TTC7B: variants seen among roughly 807,000 people sequenced by gnomAD.
TTC7B encodes tetratricopeptide repeat protein 7B.
Under a neutral mutation model 106.8 loss-of-function variants are expected in TTC7B, and 28 were observed. The observed-to-expected ratio is 0.26, with a 90% CI of 0.19 to 0.36. The LOEUF (loss-of-function observed/expected upper bound fraction) is 0.36, where lower values mean the gene tolerates loss of function less well. Ranked by LOEUF, TTC7B falls within the 10% of genes least tolerant of loss-of-function variation. TTC7B has a pLI of 1.00. For missense variants in TTC7B, 862 were observed against 1,076.4 expected (o/e 0.80, Z 2.79); for synonymous variants, 405 against 430.6 (o/e 0.94, Z 0.74).
intron 2 of TTC7B, among the ~76,000 whole-genome samples, chr14:90,781,767 C>G (rs1891226798): frequency 6.6e-6 from 1 of 152,078 alleles, no homozygotes; most frequent in African/African-American, 2.4e-5. Flanking sequence ...GACCTGGTAC[C>G]CTCCCTAGAG....
intron 14 of TTC7B, among the ~76,000 whole-genome samples, chr14:90,644,467 T>C (rs2139882383): frequency 6.6e-6 from 1 of 152,312 alleles, no homozygotes; most frequent in South Asian, 2.1e-4. Context: ...ACCCTGTTTC[T>C]CTACGTAGCT....
At chr14:90,769,910 G>A (rs10138593) in intron 3 of TTC7B, among the ~76,000 whole-genome samples, 42,104 of 152,086 alleles carry the variant, frequency 0.28, 9,654 homozygotes, top group African/African-American at 0.64. Flanking sequence ...GCTATCCAGG[G>A]GGCTGAGGCA....
intron 15 of TTC7B, among the ~76,000 whole-genome samples, chr14:90,641,678 G>C (rs185475202): frequency 1.4e-3 from 211 of 152,296 alleles, no homozygotes; most frequent in Middle Eastern, 3.4e-3. Context: ...GCTTTTTTGA[G>C]CTTACGGCTT....
chr14:90,780,571 TGCTG>T (rs1357178820), intron 3 of TTC7B, among the ~76,000 whole-genome samples, 163 bp downstream of exon 3: 1 of 152,272 alleles, frequency 6.6e-6, no homozygotes, highest in Non-Finnish European at 1.5e-5. Context: ...GACAAATCCC[TGCTG>T]GGCTTAGCAT....
intron 14 of TTC7B, 47 bp downstream of exon 14, chr14:90,646,904 T>A (rs1469052342): frequency 2.6e-5 from 40 of 1,521,114 alleles, no homozygotes; most frequent in Non-Finnish European, 3.7e-5. Context: ...AGGAGTTGTA[T>A]CAAGATACAG....
At chr14:90,699,835 G>A (rs189311868) in intron 5 of TTC7B, among the ~76,000 whole-genome samples, 19 of 152,286 alleles carry the variant, frequency 1.2e-4, no homozygotes, top group Admixed American at 2.6e-4. Context: ...GTTGAGCAGG[G>A]GACACCGTCC....
chr14:90,619,685 G>A (rs1893231783), intron 15 of TTC7B, among the ~76,000 whole-genome samples: 1 of 152,200 alleles, frequency 6.6e-6, no homozygotes, highest in South Asian at 2.1e-4. Flanking sequence ...GGCAGGTGGT[G>A]TCTAACACTC....
rs1159836437 is a variant in TTC7B, at chr14:90,816,324, C to T, written c.-29G>A. Reference sequence around the variant, plus strand: ...GGCCTGGCCGGGCCCGGCCGCCCGCCCCGCAGGCCCCACCGCCGCCGCCGC... The same window carrying T: ...GGCCTGGCCGGGCCCGGCCGCCCGCTCCGCAGGCCCCACCGCCGCCGCCGC... On this transcript the variant is annotated 5_prime_UTR_variant, in exon 1 of 20. Transcript: ENST00000328459. 1 of 1,014,428 alleles carries T rather than the reference C, an allele frequency of 9.9e-7. No individual in the cohort carries two copies. The highest frequency in any genetic ancestry group is 1.2e-6 in the Non-Finnish European group (1 of 842,234). 62.8% of individuals were successfully genotyped at this position (1,014,428 alleles called of 1,614,324 possible). A position where few individuals can be genotyped will look rare whatever the true frequency, so the allele number is the denominator to read the frequency against.
At chr14:90,623,882 G>A (rs1186267453) in intron 15 of TTC7B, among the ~76,000 whole-genome samples, 5 of 152,208 alleles carry the variant, frequency 3.3e-5, no homozygotes, top group South Asian at 2.1e-4. Context: ...TTAGCCAGAC[G>A]TAGTGGCACA....
rs150183718 is a variant in TTC7B, at chr14:90,597,475, T to C, written c.1967-3849A>G. Among the ~76,000 whole-genome samples, 861 of 152,128 alleles carry C rather than the reference T, an allele frequency of 5.7e-3. 7 individuals carry two copies. Among genetic ancestry groups the C allele is most frequent in the Admixed American group, 0.019 (288 of 15,266 alleles). On this transcript the variant is annotated intron_variant, in intron 17 of 19. Transcript: ENST00000328459. Reference sequence around the variant, plus strand: ...GAGTTTGAGACCAGCCTGGTCAACATAGTGAAACCCTGTCTCTACTAAAAA... The same window carrying C: ...GAGTTTGAGACCAGCCTGGTCAACACAGTGAAACCCTGTCTCTACTAAAAA...
chr14:90,621,337 C>T (rs1231051856), intron 15 of TTC7B, among the ~76,000 whole-genome samples: 1 of 147,770 alleles, frequency 6.8e-6, no homozygotes, highest in African/African-American at 2.7e-5. Flanking sequence ...TGGGCAGAGG[C>T]CACGCGGGTA....
At chr14:90,770,568 G>A (rs922092022) in intron 3 of TTC7B, among the ~76,000 whole-genome samples, 3 of 151,752 alleles carry the variant, frequency 2.0e-5, no homozygotes, top group South Asian at 2.1e-4. Context: ...CAGGAGAATC[G>A]CTTGAACCCA....
rs1889557160 is a variant in TTC7B at position 90,541,091 on chromosome 14, A to G, written c.*277T>C. On this transcript the variant is annotated 3_prime_UTR_variant, in exon 20 of 20. Transcript: ENST00000328459. ...GATTAATTCCATAATCATTTTACTG[A>G]AAACTCAGATGTCAACTAACAAAAT... is the stretch of plus-strand genomic sequence containing the variant. 2.5e-6 allele frequency: 1 copy of G among 396,100 alleles called. No homozygotes were observed. Among genetic ancestry groups the G allele is most frequent in the Non-Finnish European group, 4.5e-6 (1 of 223,372 alleles). 24.5% of individuals were successfully genotyped at this position (396,100 alleles called of 1,614,324 possible). A position where few individuals can be genotyped will look rare whatever the true frequency, so the allele number is the denominator to read the frequency against.
At chr14:90,649,865 G>C (rs1236389477) in intron 13 of TTC7B, among the ~76,000 whole-genome samples, 1 of 152,196 alleles carries the variant, frequency 6.6e-6, no homozygotes, top group Non-Finnish European at 1.5e-5. Flanking sequence ...CTTCTGGGGA[G>C]CATGGAGATG....
intron 15 of TTC7B, among the ~76,000 whole-genome samples, chr14:90,629,177 C>T (rs1387021906): frequency 6.6e-6 from 1 of 152,208 alleles, no homozygotes; most frequent in Non-Finnish European, 1.5e-5. Context: ...GCTCAGGATC[C>T]CCACAAGAAT....
At chr14:90,702,972 C>G (rs1257792852) in intron 5 of TTC7B, among the ~76,000 whole-genome samples, 2 of 152,110 alleles carry the variant, frequency 1.3e-5, no homozygotes, top group Non-Finnish European at 2.9e-5. Flanking sequence ...GGAGACTGTT[C>G]TGAGTTCATC....
chr14:90,644,991 C>T (rs1885371000), intron 14 of TTC7B: 1 of 152,184 alleles, frequency 6.6e-6, no homozygotes, highest in African/African-American at 2.4e-5. Context: ...AAAATACACA[C>T]AAAATGGGTA....
intron 1 of TTC7B, among the ~76,000 whole-genome samples, chr14:90,811,568 A>G (rs2030903062): frequency 6.6e-6 from 1 of 152,214 alleles, no homozygotes; most frequent in Non-Finnish European, 1.5e-5. Flanking sequence ...GGGAAGCCAC[A>G]TCACTGTGGA....
intron 16 of TTC7B, among the ~76,000 whole-genome samples, chr14:90,613,499 A>G (rs546715305): frequency 2.6e-5 from 4 of 152,342 alleles, no homozygotes; most frequent in African/African-American, 9.6e-5. Flanking sequence ...GTCTTTACCA[A>G]TCAAGATTTA....
Sources: allele counts gnomAD v4.1 joint callset (sites outside exome capture counted in the v4.1 genomes callset), GRCh38; gene constraint gnomAD v4.1.1; transcripts MANE v1.5; gene names NCBI Gene and HGNC (gene_info 2026-07-23, HGNC 2026-07-21).